The following PPP6R3 variants were observed in gnomAD, a reference collection of about 807,000 sequenced individuals.
PPP6R3 encodes the protein serine/threonine-protein phosphatase 6 regulatory subunit 3.
In PPP6R3, 38 loss-of-function variants were observed where a neutral mutation model predicts 110.7. That is an observed-to-expected ratio of 0.34 (90% CI 0.26 to 0.45). The LOEUF (loss-of-function observed/expected upper bound fraction) is 0.45, where lower values mean the gene tolerates loss of function less well. Ranked by LOEUF, PPP6R3 falls within the 20% of genes least tolerant of loss-of-function variation. PPP6R3 has a pLI of 1.00. For synonymous variants in PPP6R3, 369 were observed against 373.5 expected, an observed-to-expected ratio of 0.99 and a Z score of 0.14; for missense variants, 870 against 1,062.4, an observed-to-expected ratio of 0.82 and a Z score of 2.52.
At chr11:68,475,511 C>G (rs1170191989) in intron 1 of PPP6R3, among the ~76,000 whole-genome samples, 3 of 151,768 alleles carry the variant, frequency 2.0e-5, no homozygotes, top group Non-Finnish European at 4.4e-5. Context: ...TGCCCGCCAC[C>G]TCCCGGACGG....
chr11:68,486,637 G>A (rs913750554), intron 1 of PPP6R3, among the ~76,000 whole-genome samples: 3 of 149,752 alleles, frequency 2.0e-5, no homozygotes, highest in Non-Finnish European at 3.0e-5. Context: ...AATTCCGTCT[G>A]CTGCTTTCTA....
chr11:68,508,468 A>T (rs920904629), intron 1 of PPP6R3, among the ~76,000 whole-genome samples: 2 of 152,024 alleles, frequency 1.3e-5, no homozygotes, highest in Admixed American at 1.3e-4. Flanking sequence ...TCCATATAAG[A>T]GTGATTTGGG....
intron 7 of PPP6R3, among the ~76,000 whole-genome samples, chr11:68,556,436 G>A (rs768442808): frequency 7.3e-5 from 11 of 151,328 alleles, no homozygotes; most frequent in Non-Finnish European, 1.6e-4. Context: ...TGTTAGAATA[G>A]ACTCTGTATC....
intron 18 of PPP6R3, among the ~76,000 whole-genome samples, chr11:68,592,637 G>A (rs1465652894): frequency 2.0e-5 from 3 of 152,116 alleles, no homozygotes; most frequent in East Asian, 1.9e-4. Flanking sequence ...GTTAGACCGG[G>A]CATCTTTTAT....
At chr11:68,577,250 G>A (rs1244782325) in intron 14 of PPP6R3, among the ~76,000 whole-genome samples, 1 of 152,174 alleles carries the variant, frequency 6.6e-6, no homozygotes, top group African/African-American at 2.4e-5. Flanking sequence ...TTTACCCATT[G>A]TAGATAGATA....
At chr11:68,472,245 G>A (rs2098797365) in intron 1 of PPP6R3, among the ~76,000 whole-genome samples, 1 of 152,206 alleles carries the variant, frequency 6.6e-6, no homozygotes, top group Non-Finnish European at 1.5e-5. Flanking sequence ...GGGAAGGCGT[G>A]CAGACGGAGA....
chr11:68,512,863 A>G (rs770153890), intron 1 of PPP6R3, among the ~76,000 whole-genome samples: 1 of 152,160 alleles, frequency 6.6e-6, no homozygotes, highest in Non-Finnish European at 1.5e-5. Context: ...GTGCTTGTCC[A>G]TTCCTGTTAT....
chr11:68,573,845 T>G (rs2099519887), intron 12 of PPP6R3, among the ~76,000 whole-genome samples: 1 of 152,208 alleles, frequency 6.6e-6, no homozygotes, highest in Admixed American at 6.5e-5. Context: ...TGAGTGATGA[T>G]TTTTGAGATT....
At chr11:68,493,252 T>G (rs1474599588) in intron 1 of PPP6R3, among the ~76,000 whole-genome samples, 1 of 152,182 alleles carries the variant, frequency 6.6e-6, no homozygotes, top group Non-Finnish European at 1.5e-5. Flanking sequence ...ATGGGAAGGA[T>G]AACAGTTATT....
intron 2 of PPP6R3, among the ~76,000 whole-genome samples, chr11:68,531,192 A>G (rs1592643459): frequency 6.6e-6 from 1 of 152,174 alleles, no homozygotes; most frequent in Non-Finnish European, 1.5e-5. Flanking sequence ...TCCTCCATTT[A>G]TGAATTACAA....
intron 19 of PPP6R3, among the ~76,000 whole-genome samples, chr11:68,599,208 T>C (rs2099623071): frequency 6.6e-6 from 1 of 152,258 alleles, no homozygotes; most frequent in African/African-American, 2.4e-5. Context: ...ATAATATCCC[T>C]GATGGAATGC....
chr11:68,581,546 CA>C (rs2099554624), intron 14 of PPP6R3, among the ~76,000 whole-genome samples: 1 of 152,258 alleles, frequency 6.6e-6, no homozygotes, highest in African/African-American at 2.4e-5. Flanking sequence ...ACTGGCCCAG[CA>C]TGATATGTGT....
rs529115221 is a variant in PPP6R3 at position 68,528,517 on chromosome 11, G to A, written c.-7+8866G>A. On this transcript the variant is annotated intron_variant, in intron 2 of 23. Coordinates refer to ENST00000393800, the MANE Select transcript of PPP6R3 (RefSeq NM_001164161.2). The stretch of plus-strand genomic sequence containing the variant: ...ACTGCGTGAACTTTCTGTGTTTTGT[G>A]GTCTTTTTCCTTAGAAGTTATTGAG... Among the ~76,000 whole-genome samples, 5 of 151,926 alleles carry A rather than the reference G, an allele frequency of 3.3e-5. No individual in the cohort carries two copies. In the South Asian group the frequency reaches 1.0e-3, roughly 32 times the overall value.
rs767407078 is a variant in PPP6R3, at chr11:68,573,822, G to A, written c.1344-287G>A. Among the ~76,000 whole-genome samples, 74 of 152,240 alleles carry A rather than the reference G, an allele frequency of 4.9e-4. No individual in the cohort carries two copies. In the Middle Eastern group the frequency reaches 0.027, roughly 56 times the overall value. ...TTTATTTGATCTTTTAAAAAATAAT[G>A]TGTTATTGACAGTGAGTGATGATTT... is the stretch of plus-strand genomic sequence containing the variant. On this transcript the variant is annotated intron_variant, in intron 12 of 23. Transcript: ENST00000393800.
chr11:68,566,535 A>AT (rs1371569333), intron 9 of PPP6R3, among the ~76,000 whole-genome samples: 1 of 151,708 alleles, frequency 6.6e-6, no homozygotes, highest in African/African-American at 2.4e-5. Context: ...TAATTTTTGT[A>AT]TTTTTTGTAG....
chr11:68,493,946 C>G (rs2098999575), intron 1 of PPP6R3, among the ~76,000 whole-genome samples: 1 of 150,366 alleles, frequency 6.7e-6, no homozygotes, highest in South Asian at 2.1e-4. Flanking sequence ...ACTAAAAATA[C>G]AAAAAAATTA....
chr11:68,496,577 A>G (rs896844696), intron 1 of PPP6R3, among the ~76,000 whole-genome samples: 8 of 151,240 alleles, frequency 5.3e-5, no homozygotes, highest in African/African-American at 1.9e-4. Flanking sequence ...GGTTCAAGCA[A>G]TTCTTGTGCC....
At chr11:68,536,161 T>C (rs12281742) in intron 2 of PPP6R3, among the ~76,000 whole-genome samples, 48,352 of 152,014 alleles carry the variant, frequency 0.32, 8,729 homozygotes, top group African/African-American at 0.49. Flanking sequence ...ATGATTTTGC[T>C]CTCTATGATC....
chr11:68,590,832 G>A, intron 17 of PPP6R3, 118 bp downstream of exon 17: 6 of 1,210,314 alleles, frequency 5.0e-6, no homozygotes, highest in Non-Finnish European at 6.5e-6. Context: ...TCCTAAATTG[G>A]TGTTACATAC....
Sources: gnomAD v4.1 joint callset for allele counts (sites outside exome capture counted in the v4.1 genomes callset) on GRCh38, gnomAD v4.1.1 for gene constraint, MANE v1.5 for transcripts, NCBI Gene and HGNC (gene_info 2026-07-23, HGNC 2026-07-21) for gene names.